Variants in PCDHGB1 observed in about 807,000 individuals in gnomAD.
PCDHGB1 encodes the protein protocadherin gamma subfamily B, 1.
PCDHGB1 carries 34 observed loss-of-function variants against 56.6 expected under a neutral mutation model. The observed-to-expected ratio is 0.60, with a 90% CI of 0.46 to 0.80. PCDHGB1 has a LOEUF of 0.80. Among genes scored for constraint, PCDHGB1 ranks in the 30% least tolerant of loss-of-function variants. The pLI, the probability that PCDHGB1 is intolerant of heterozygous loss-of-function variation, is 0.00. For missense variants in PCDHGB1, 1,278 were observed against 1,204.6 expected (o/e 1.06, Z -0.90); for synonymous variants, 561 against 505.9 (o/e 1.11, Z -1.46).
chr5:141,493,204 C>T lies in PCDHGB1; in HGVS notation c.2410-1603C>T, dbSNP rs2099746929. Among the ~76,000 whole-genome samples, 1 of 152,216 alleles carries T rather than the reference C, an allele frequency of 6.6e-6. No individual in the cohort carries two copies. Among genetic ancestry groups the T allele is most frequent in the Non-Finnish European group, 1.5e-5 (1 of 68,042 alleles). Reference sequence around the variant, plus strand: ...TATATAACTCCTTTGAGAACCTCATCTCATTTGCTCTTCCCACCATTGCTG... The same window carrying T: ...TATATAACTCCTTTGAGAACCTCATTTCATTTGCTCTTCCCACCATTGCTG... On this transcript the variant is annotated intron_variant, in intron 1 of 3. Transcript: ENST00000523390. This position sits in a 1 kb window ranked among gnomAD's most constrained non-coding sequence, Gnocchi z 4.3.
chr5:141,375,275 G>C, intron 1 of PCDHGB1: 3 of 1,613,902 alleles, frequency 1.9e-6, no homozygotes, highest in Non-Finnish European at 1.7e-6. Context: ...GGAAAAATCA[G>C]TTGGCAATTA....
intron 1 of PCDHGB1, chr5:141,433,018 T>C: frequency 6.2e-7 from 1 of 1,614,120 alleles, no homozygotes. Flanking sequence ...TGCAGACCTA[T>C]TCCCACGAGG....
At chr5:141,417,874 C>G in intron 1 of PCDHGB1, 9 of 1,555,320 alleles carry the variant, frequency 5.8e-6, no homozygotes, top group Non-Finnish European at 7.8e-6. Context: ...GAGGGAGCTG[C>G]GCGCAGAGGC....
chr5:141,407,473 G>A (rs753514459), intron 1 of PCDHGB1, among the ~76,000 whole-genome samples: 4 of 145,182 alleles, frequency 2.8e-5, no homozygotes, highest in Non-Finnish European at 4.6e-5. Context: ...ATGACTGAAT[G>A]GAGTATGGAA....
At chr5:141,445,964 T>C (rs1199096510) in intron 1 of PCDHGB1, among the ~76,000 whole-genome samples, 2 of 152,280 alleles carry the variant, frequency 1.3e-5, no homozygotes, top group South Asian at 4.1e-4. Context: ...ATATGGAGAA[T>C]TGATTTATGA....
In PCDHGB1 at chr5:141,485,624, C is replaced by T; in HGVS notation, c.2410-9183C>T. 1 of 1,611,640 alleles carries T rather than the reference C, an allele frequency of 6.2e-7. No homozygotes were observed. The highest frequency in any genetic ancestry group is 1.1e-5 in the South Asian group (1 of 90,868). The stretch of plus-strand genomic sequence containing the variant: ...TGGGGAGGCAGCTCCTCCAGGACAG[C>T]GTTTCCCGTTGGAAAAGGCTCAGGA... On this transcript the variant is annotated intron_variant, in intron 1 of 3. Transcript: ENST00000523390. This position sits in a 1 kb window ranked among gnomAD's most constrained non-coding sequence, Gnocchi z 5.7.
chr5:141,408,842 G>A, intron 1 of PCDHGB1: 1 of 1,613,598 alleles, frequency 6.2e-7, no homozygotes, highest in African/African-American at 1.3e-5. Flanking sequence ...GATATTGACT[G>A]CCTTGGACGG....
At position 141,350,470 on chromosome 5, in the gene PCDHGB1, T is replaced by C; in HGVS notation, c.210T>C (p.Asp70=). The change falls in exon 1 of 4, where the codon GAT becomes GAC. Residue 70 remains aspartate (D), a synonymous_variant. Coordinates refer to ENST00000523390, the MANE Select transcript of PCDHGB1 (RefSeq NM_018922.3). The part of the protein sequence containing the change: ...PTRKLRVSAE[D]YFNVSLESGD... The stretch of plus-strand genomic sequence containing the variant: ...GAAAACTGCGGGTTAGTGCAGAGGA[T>C]TATTTCAACGTTAGTTTGGAGAGCG... 6.2e-7 allele frequency: 1 copy of C among 1,613,972 alleles called. No individual in the cohort carries two copies. Among genetic ancestry groups the C allele is most frequent in the East Asian group, 2.2e-5 (1 of 44,878 alleles).
At position 141,487,276 on chromosome 5, in the gene PCDHGB1, C is replaced by G; in HGVS notation, c.2410-7531C>G. On this transcript the variant is annotated intron_variant, in intron 1 of 3. Coordinates refer to ENST00000523390, the MANE Select transcript of PCDHGB1 (RefSeq NM_018922.3). The surrounding 1 kb of genome is among the most constrained non-coding windows in gnomAD (Gnocchi z 5.0). ...TGGCTGTGTCCCTAGTGGCAATTTG[C>G]TTTGTCTCCTTTGGCTCATTCGTGG... 1 of 1,614,158 alleles carries G rather than the reference C, an allele frequency of 6.2e-7. No homozygotes were observed. The highest frequency in any genetic ancestry group is 1.1e-5 in the South Asian group (1 of 91,082).
At position 141,404,694 on chromosome 5, in the gene PCDHGB1, C is replaced by T. The variant is rs749803871; in HGVS notation, c.2409+52025C>T. 10 of 1,614,116 alleles carry T rather than the reference C, an allele frequency of 6.2e-6. No homozygotes were observed. The East Asian group carries it at 2.0e-4, about 32-fold the overall frequency. ...ACTGGTGTGGAGCTGGCACCCCGCT[C>T]TGCAGAGCCTGGCTACCTGGTGACC... On this transcript the variant is annotated intron_variant, in intron 1 of 3. Coordinates refer to ENST00000523390, the MANE Select transcript of PCDHGB1 (RefSeq NM_018922.3).
At chr5:141,458,081 G>A (rs765008628) in intron 1 of PCDHGB1, among the ~76,000 whole-genome samples, 62 of 152,186 alleles carry the variant, frequency 4.1e-4, no homozygotes, top group East Asian at 1.9e-4. Flanking sequence ...CTATATTGCC[G>A]TAAGTTAAGA....
At chr5:141,392,005 T>A (rs1323895692) in intron 1 of PCDHGB1, 1 of 152,198 alleles carries the variant, frequency 6.6e-6, no homozygotes, top group African/African-American at 2.4e-5. Context: ...AAAACTGCAA[T>A]GGTAAAAGCA....
At chr5:141,405,047 G>A in intron 1 of PCDHGB1, 4 of 1,613,944 alleles carry the variant, frequency 2.5e-6, no homozygotes, top group Non-Finnish European at 2.5e-6. Context: ...GGCTGTGGCA[G>A]TCGTCTCCTG....
rs70988800 is a variant in PCDHGB1, at chr5:141,379,889, C to CTTTTTTTTTTTT, written c.2409+27239_2409+27250dup. Reference sequence around the variant, plus strand: ...CTTATTTTATGGTCTGTGAAAGCCTCTTTTTTTTTTTTTTTTTTTTTTTTT... The same window carrying CTTTTTTTTTTTT: ...CTTATTTTATGGTCTGTGAAAGCCTCTTTTTTTTTTTTTTTTTTTTTTTTTTTTTTTTTTTTT... On this transcript the variant is annotated intron_variant, in intron 1 of 3. Transcript: ENST00000523390. Among the ~76,000 whole-genome samples, 158 of 50,832 alleles carry CTTTTTTTTTTTT rather than the reference C, an allele frequency of 3.1e-3. 25 individuals are homozygous for CTTTTTTTTTTTT. The highest frequency in any genetic ancestry group is 4.7e-3 in the African/African-American group (71 of 15,080). 33.3% of individuals were successfully genotyped at this position (50,832 alleles called of 152,430 possible). A position where few individuals can be genotyped will look rare whatever the true frequency, so the allele number is the denominator to read the frequency against.
intron 1 of PCDHGB1, chr5:141,484,911 T>G (rs2154580253): frequency 9.3e-6 from 4 of 432,018 alleles, no homozygotes; most frequent in South Asian, 3.3e-5. Context: ...CTGCGACGCA[T>G]TAACCCTGCT....
chr5:141,364,658 G>A, intron 1 of PCDHGB1: 1 of 1,614,020 alleles, frequency 6.2e-7, no homozygotes, highest in South Asian at 1.1e-5. Context: ...TAACATCTTG[G>A]TTGAGAACAA....
chr5:141,375,973 C>A (rs577451422), intron 1 of PCDHGB1: 742 of 1,613,246 alleles, frequency 4.6e-4, no homozygotes, highest in Middle Eastern at 1.7e-3. Context: ...GCACGGCGCG[C>A]GCCCTGCTGG....
At chr5:141,371,382 T>A (rs774974302) in intron 1 of PCDHGB1, 1 of 1,613,888 alleles carries the variant, frequency 6.2e-7, no homozygotes, top group Non-Finnish European at 8.5e-7. Flanking sequence ...TCACACTGCA[T>A]ATTGTAAAGT....
rs35224477 is a variant in PCDHGB1, at chr5:141,464,263, TA to T, written c.2410-30530del. On this transcript the variant is annotated intron_variant, in intron 1 of 3. Coordinates refer to ENST00000523390, the MANE Select transcript of PCDHGB1 (RefSeq NM_018922.3). ...CTGGGCTACAGAGCGAGACTCCGTC[TA>T]AAAAAAAAAAAAAGCAAAAAAAAAA... Among the ~76,000 whole-genome samples, 390 of 103,506 alleles carry T rather than the reference TA, an allele frequency of 3.8e-3. 1 individual carries two copies. Among genetic ancestry groups the T allele is most frequent in the Admixed American group, 4.7e-3 (45 of 9,486 alleles). 67.9% of individuals were successfully genotyped at this position (103,506 alleles called of 152,430 possible). A position where few individuals can be genotyped will look rare whatever the true frequency, so the allele number is the denominator to read the frequency against.
Sources: allele counts gnomAD v4.1 joint callset (sites outside exome capture counted in the v4.1 genomes callset), GRCh38; gene constraint gnomAD v4.1.1; non-coding constraint Gnocchi (gnomAD v3.1); transcripts MANE v1.5; gene names NCBI Gene and HGNC (gene_info 2026-07-23, HGNC 2026-07-21).